Variants in CNTN6 observed in about 807,000 individuals in gnomAD.
The protein encoded by CNTN6 is contactin 6.
A neutral mutation model predicts 122.8 loss-of-function variants in CNTN6; 137 were observed. That is an observed-to-expected ratio of 1.12 (90% CI 0.97 to 1.29). The LOEUF (loss-of-function observed/expected upper bound fraction) is 1.29, where lower values mean the gene tolerates loss of function less well. Ranked by LOEUF, CNTN6 falls within the 50% of genes most tolerant of loss-of-function variation. The pLI, the probability that CNTN6 is intolerant of heterozygous loss-of-function variation, is 0.00. For synonymous variants in CNTN6, 570 were observed against 426.0 expected (o/e 1.34, Z -4.16); for missense variants, 1,634 against 1,223.4 (o/e 1.34, Z -5.01).
intron 12 of CNTN6, among the ~76,000 whole-genome samples, chr3:1,354,017 G>C (rs560718604): frequency 1.1e-4 from 17 of 151,546 alleles, no homozygotes; most frequent in African/African-American, 3.1e-4. Flanking sequence ...AAAAACACAA[G>C]TTAATGGTAG....
chr3:1,176,769 C>A (rs1315207802), intron 2 of CNTN6, among the ~76,000 whole-genome samples: 1 of 152,126 alleles, frequency 6.6e-6, no homozygotes, highest in Non-Finnish European at 1.5e-5. Context: ...ATACAGACAA[C>A]AATTCATAGA....
At chr3:1,228,207 T>A (rs1466068096) in intron 4 of CNTN6, among the ~76,000 whole-genome samples, 1 of 152,156 alleles carries the variant, frequency 6.6e-6, no homozygotes, top group African/African-American at 2.4e-5. Context: ...AAAAGATCAA[T>A]GTTATTATAT....
At chr3:1,154,180 G>C (rs77647212) in intron 2 of CNTN6, among the ~76,000 whole-genome samples, 5,159 of 149,946 alleles carry the variant, frequency 0.034, 270 homozygotes, top group African/African-American at 0.11. Flanking sequence ...GGACTGATAA[G>C]AATGTAGGAA....
chr3:1,397,480 G>A (rs950785700), intron 20 of CNTN6, among the ~76,000 whole-genome samples: 2 of 152,026 alleles, frequency 1.3e-5, no homozygotes, highest in African/African-American at 2.4e-5. Flanking sequence ...TGATTCATCT[G>A]CAAGTACCAA....
intron 5 of CNTN6, among the ~76,000 whole-genome samples, chr3:1,290,005 G>C (rs1695047375): frequency 6.6e-6 from 1 of 152,170 alleles, no homozygotes; most frequent in African/African-American, 2.4e-5. Context: ...GATTTCCAAA[G>C]GGTAGCTCCA....
In CNTN6 at chr3:1,352,453, T is replaced by C; in HGVS notation, c.1492+2T>C. 1 of 1,609,624 alleles carries C rather than the reference T, an allele frequency of 6.2e-7. No homozygotes were observed. The highest frequency in any genetic ancestry group is 8.5e-7 in the Non-Finnish European group (1 of 1,177,096). Reference sequence around the variant, plus strand: ...ACACTGGCAGCCTCATTGTAAAAGGTATCATATTATCTTCATTTGTGCTTG... The same window carrying C: ...ACACTGGCAGCCTCATTGTAAAAGGCATCATATTATCTTCATTTGTGCTTG... On this transcript the variant is annotated splice_donor_variant, in intron 12 of 22. Transcript: ENST00000446702. LOFTEE classifies it high-confidence loss of function.
chr3:1,260,637 C>T (rs1236172597), intron 4 of CNTN6, among the ~76,000 whole-genome samples: 1 of 152,002 alleles, frequency 6.6e-6, no homozygotes, highest in Non-Finnish European at 1.5e-5. Context: ...AATTGCAGTT[C>T]TCATAATCTC....
At chr3:1,165,979 C>T (rs1432117515) in intron 2 of CNTN6, among the ~76,000 whole-genome samples, 2 of 152,170 alleles carry the variant, frequency 1.3e-5, no homozygotes, top group African/African-American at 4.8e-5. Flanking sequence ...CTCCACATTA[C>T]CACTTACCCA....
At chr3:1,271,402 G>T (rs1164045638) in intron 4 of CNTN6, among the ~76,000 whole-genome samples, 1 of 152,084 alleles carries the variant, frequency 6.6e-6, no homozygotes, top group Non-Finnish European at 1.5e-5. Flanking sequence ...TAACTAAAGG[G>T]CCTTTAGGAG....
chr3:1,198,010 T>A (rs1459781163), intron 2 of CNTN6, among the ~76,000 whole-genome samples: 1 of 152,152 alleles, frequency 6.6e-6, no homozygotes, highest in Non-Finnish European at 1.5e-5. Flanking sequence ...ACAGACAAGC[T>A]TAGCTCTTTC....
chr3:1,307,477 C>CACA (rs1553674328), intron 7 of CNTN6, among the ~76,000 whole-genome samples: 220 of 151,784 alleles, frequency 1.4e-3, no homozygotes, highest in African/African-American at 3.9e-3. Flanking sequence ...TATAACCCCC[C>CACA]CACACACAAT....
At chr3:1,202,543 AAAATAAAT>A (rs201394766) in intron 2 of CNTN6, among the ~76,000 whole-genome samples, 28,079 of 125,740 alleles carry the variant, frequency 0.22, 3,166 homozygotes, top group African/African-American at 0.35. Context: ...TCCGTCTCAA[AAAATAAAT>A]AAATAAATAA....
chr3:1,182,023 T>G (rs2093562320), intron 2 of CNTN6, among the ~76,000 whole-genome samples: 1 of 152,114 alleles, frequency 6.6e-6, no homozygotes, highest in Admixed American at 6.6e-5. Flanking sequence ...ACTGTGCTTT[T>G]TTTTCTTAAT....
At chr3:1,115,470 C>G (rs2125037961) in intron 1 of CNTN6, among the ~76,000 whole-genome samples, 1 of 152,282 alleles carries the variant, frequency 6.6e-6, no homozygotes, top group South Asian at 2.1e-4. Context: ...AACAAAAGGG[C>G]CGGGTACGGT....
At chr3:1,221,466 A>G (rs1445804299) in intron 3 of CNTN6, among the ~76,000 whole-genome samples, 2 of 152,212 alleles carry the variant, frequency 1.3e-5, no homozygotes, top group Non-Finnish European at 2.9e-5. Context: ...GGTGGGTCAC[A>G]TCACCCAAAA....
At chr3:1,176,078 A>C (rs1164349302) in intron 2 of CNTN6, among the ~76,000 whole-genome samples, 1 of 152,188 alleles carries the variant, frequency 6.6e-6, no homozygotes, top group Non-Finnish European at 1.5e-5. Context: ...GAGTACAAAC[A>C]GTGGATGTTT....
intron 7 of CNTN6, among the ~76,000 whole-genome samples, chr3:1,300,555 GAA>G (rs756030587): frequency 8.7e-5 from 7 of 80,894 alleles, no homozygotes; most frequent in East Asian, 6.7e-4. Context: ...GAAAGAGAAA[GAA>G]AAAGAAAGAA....
chr3:1,198,431 A>G (rs76256480), intron 2 of CNTN6, among the ~76,000 whole-genome samples: 4,582 of 152,270 alleles, frequency 0.03, 233 homozygotes, highest in African/African-American at 0.11. Context: ...TTGCATTTTG[A>G]AAAAATGCTG....
chr3:1,254,996 T>G (rs192963541), intron 4 of CNTN6, among the ~76,000 whole-genome samples: 4 of 152,248 alleles, frequency 2.6e-5, no homozygotes. Context: ...GCTAATTCAT[T>G]ACGTATTGTT....
Sources: gnomAD v4.1 joint callset for allele counts (sites outside exome capture counted in the v4.1 genomes callset) on GRCh38, gnomAD v4.1.1 for gene constraint, MANE v1.5 for transcripts, NCBI Gene and HGNC (gene_info 2026-07-23, HGNC 2026-07-21) for gene names.